IL17RD: variants seen among roughly 807,000 people sequenced by gnomAD.
The protein encoded by IL17RD is interleukin 17 receptor D.
A neutral mutation model predicts 80.5 loss-of-function variants in IL17RD; 52 were observed. That is an observed-to-expected ratio of 0.65 (90% CI 0.52 to 0.81). IL17RD has a LOEUF of 0.81. Ranked by LOEUF, IL17RD falls within the 40% of genes least tolerant of loss-of-function variation. IL17RD has a pLI of 0.00. For synonymous variants in IL17RD, 416 were observed against 391.8 expected (o/e 1.06, Z -0.73); for missense variants, 1,024 against 955.1 (o/e 1.07, Z -0.95).
At chr3:57,164,850 A>C (rs2060334951) in intron 1 of IL17RD, 5 of 1,113,914 alleles carry the variant, frequency 4.5e-6, no homozygotes, top group Non-Finnish European at 5.6e-6. Context: ...GCCAAGAACA[A>C]AGGGTGGGGC....
At chr3:57,166,958 G>A (rs2060351259), upstream of IL17RD, among the ~76,000 whole-genome samples, 1 of 152,224 alleles carries the variant, frequency 6.6e-6, no homozygotes, top group South Asian at 2.1e-4. Context: ...CGTCCTTGGA[G>A]GGCTTAAGTG....
rs1235963400 is a variant in IL17RD, at chr3:57,165,240, G to A, written c.47C>T (p.Ala16Val). 6.5e-7 allele frequency: 1 copy of A among 1,529,526 alleles called. No homozygotes were observed. Among genetic ancestry groups the A allele is most frequent in the Non-Finnish European group, 8.8e-7 (1 of 1,138,580 alleles). The allele number at this position is 1,529,526 out of a possible 1,614,324, so 94.7% of individuals were successfully genotyped here. A position where few individuals can be genotyped will look rare whatever the true frequency, so the allele number is the denominator to read the frequency against. Residue 16 changes from alanine (A) to valine (V), a missense_variant, in exon 1 of 13, where the codon GCC becomes GTC. Transcript: ENST00000296318. ...QLCSVFFTVN[A>V]CLNGSQLAVA... ...AGCCAGCTGCGAGCCGTTGAGGCAG[G>A]CGTTGACCGTAAAGAAGACGGAGCA...
chr3:57,160,850 C>T (rs939046188), intron 1 of IL17RD, among the ~76,000 whole-genome samples: 1 of 152,240 alleles, frequency 6.6e-6, no homozygotes, highest in African/African-American at 2.4e-5. Context: ...CACTCTCACT[C>T]TGATCCCATT....
intron 7 of IL17RD, 35 bp downstream of exon 7, chr3:57,105,822 A>G (rs1706948681): frequency 1.3e-6 from 2 of 1,596,104 alleles, no homozygotes; most frequent in Non-Finnish European, 1.7e-6. Context: ...GCTTTGAAAC[A>G]CGCAGTGTTC....
At position 57,108,121 on chromosome 3, in the gene IL17RD, A is replaced by G. The variant is rs912189405; in HGVS notation, c.550+1416T>C. On this transcript the variant is annotated intron_variant, in intron 5 of 12. Transcript: ENST00000296318. The stretch of plus-strand genomic sequence containing the variant: ...GTGGCCCAGGCTGGAGTGCAGCGGC[A>G]TGATCTCAGCTCACTGCAACCTCCG... Among the ~76,000 whole-genome samples the G allele has an allele frequency of 4.7e-5, 7 of 147,720 alleles. 1 individual carries two copies. The highest frequency in any genetic ancestry group is 4.1e-4 in the Admixed American group (6 of 14,754).
In IL17RD at chr3:57,091,336, CA is replaced by C. The variant is rs1247639054; in HGVS notation, c.*5056del. 1 of 152,544 alleles carries C rather than the reference CA, an allele frequency of 6.6e-6. No individual in the cohort carries two copies. The highest frequency in any genetic ancestry group is 1.5e-5 in the Non-Finnish European group (1 of 68,024). The allele number at this position is 152,544 out of a possible 1,614,324, so 9.4% of individuals were successfully genotyped here. A position where few individuals can be genotyped will look rare whatever the true frequency, so the allele number is the denominator to read the frequency against. ...ACAAGTTATGATAGATGACTATCATCAGGGGAAAAATGTGGCAGTCAAATAA... is the reference window on the plus strand; with the variant it reads ...ACAAGTTATGATAGATGACTATCATCGGGGAAAAATGTGGCAGTCAAATAA... On this transcript the variant is annotated 3_prime_UTR_variant, in exon 13 of 13. Coordinates refer to ENST00000296318, the MANE Select transcript of IL17RD (RefSeq NM_017563.5).
At chr3:57,168,120 C>T (rs1246341468), upstream of IL17RD, among the ~76,000 whole-genome samples, 1 of 152,198 alleles carries the variant, frequency 6.6e-6, no homozygotes, top group African/African-American at 2.4e-5. Flanking sequence ...ACGTGAGCCA[C>T]CACTCCTGGC....
At chr3:57,104,514 C>T in intron 7 of IL17RD, 107 bp from the exon 8 acceptor site, 1 of 701,716 alleles carries the variant, frequency 1.4e-6, no homozygotes. Flanking sequence ...GTCTCAACCA[C>T]AGTTTTCAGA....
chr3:57,165,716 T>C (rs554472367), upstream of IL17RD, among the ~76,000 whole-genome samples: 20 of 152,220 alleles, frequency 1.3e-4, no homozygotes, highest in Non-Finnish European at 2.6e-4. Flanking sequence ...CCTTTCTGTA[T>C]ACGCCCAACC....
At position 57,091,563 on chromosome 3, in the gene IL17RD, AATT is replaced by A. The variant is rs1337938675; in HGVS notation, c.*4827_*4829del. 6.6e-6 allele frequency: 1 copy of A among 152,610 alleles called. No individual in the cohort carries two copies. The highest frequency in any genetic ancestry group is 2.4e-5 in the African/African-American group (1 of 41,426). The allele number at this position is 152,610 out of a possible 1,614,324, so 9.5% of individuals were successfully genotyped here. On this transcript the variant is annotated 3_prime_UTR_variant, in exon 13 of 13. Transcript: ENST00000296318. ...AGCTGAGAAACATTACAGCAGTGAAAATTATTAGGCCCCTGGAAAACAAGAGCC... is the reference window on the plus strand; with the variant it reads ...AGCTGAGAAACATTACAGCAGTGAAAATTAGGCCCCTGGAAAACAAGAGCC...
At chr3:57,155,096 C>A (rs979063930) in intron 1 of IL17RD, among the ~76,000 whole-genome samples, 1 of 152,160 alleles carries the variant, frequency 6.6e-6, no homozygotes, top group African/African-American at 2.4e-5. Context: ...CAAAGAGCAC[C>A]TCTGATTATG....
rs867060427 is a variant in IL17RD, at chr3:57,092,229, C to G, written c.*4164G>C. Reference sequence around the variant, plus strand: ...CTTGGCCTATGCTCAGAATTGCACACCACCTGAAAAAAATTATGCCAAGAG... The same window carrying G: ...CTTGGCCTATGCTCAGAATTGCACAGCACCTGAAAAAAATTATGCCAAGAG... On this transcript the variant is annotated 3_prime_UTR_variant, in exon 13 of 13. Coordinates refer to ENST00000296318, the MANE Select transcript of IL17RD (RefSeq NM_017563.5). 1 of 152,596 alleles carries G rather than the reference C, an allele frequency of 6.6e-6. No individual in the cohort carries two copies. The highest frequency in any genetic ancestry group is 2.1e-4 in the South Asian group (1 of 4,830). The allele number at this position is 152,596 out of a possible 1,614,324, so 9.5% of individuals were successfully genotyped here. A position where few individuals can be genotyped will look rare whatever the true frequency, so the allele number is the denominator to read the frequency against.
At chr3:57,139,062 G>T (rs921006008) in intron 1 of IL17RD, among the ~76,000 whole-genome samples, 2 of 151,948 alleles carry the variant, frequency 1.3e-5, no homozygotes, top group African/African-American at 2.4e-5. Context: ...ATATATTTTG[G>T]GGGGAGGGGA....
At chr3:57,154,248 CA>C (rs1040316143) in intron 1 of IL17RD, among the ~76,000 whole-genome samples, 108 of 125,912 alleles carry the variant, frequency 8.6e-4, no homozygotes, top group African/African-American at 2.9e-3. Flanking sequence ...GACCTTGTCT[CA>C]AAAAAAAAAA....
In IL17RD at chr3:57,165,339, T is replaced by C; in HGVS notation, c.-53A>G. On this transcript the variant is annotated 5_prime_UTR_variant, in exon 1 of 13. Transcript: ENST00000296318. Reference sequence around the variant, plus strand: ...TCTCTGCGCCCCGGCCGCCCGCCGCTGGCCAGCCCCGAGTGGGCGGTGGCC... The same window carrying C: ...TCTCTGCGCCCCGGCCGCCCGCCGCCGGCCAGCCCCGAGTGGGCGGTGGCC... The C allele has an allele frequency of 8.2e-7, 1 of 1,225,532 alleles. No individual in the cohort carries two copies. The highest frequency in any genetic ancestry group is 1.0e-6 in the Non-Finnish European group (1 of 979,762). The allele number at this position is 1,225,532 out of a possible 1,614,324, so 75.9% of individuals were successfully genotyped here.
chr3:57,120,383 G>T, intron 1 of IL17RD, 70 bp from the exon 2 acceptor site: 1 of 1,110,340 alleles, frequency 9.0e-7, no homozygotes, highest in Non-Finnish European at 1.4e-6. Flanking sequence ...GCCCCATGGA[G>T]TCCAAATGCA....
chr3:57,108,133 C>T (rs1024631050), intron 5 of IL17RD, among the ~76,000 whole-genome samples: 1 of 151,470 alleles, frequency 6.6e-6, no homozygotes, highest in South Asian at 2.1e-4. Context: ...GATCTCAGCT[C>T]ACTGCAACCT....
chr3:57,146,984 G>A (rs1242083357), intron 1 of IL17RD, among the ~76,000 whole-genome samples: 3 of 138,606 alleles, frequency 2.2e-5, no homozygotes, highest in African/African-American at 5.7e-5. Context: ...AACCATGCCC[G>A]GCTAATTTTT....
intron 1 of IL17RD, chr3:57,150,302 C>A (rs144681557): frequency 6.6e-6 from 1 of 152,256 alleles, no homozygotes; most frequent in Non-Finnish European, 1.5e-5. Context: ...TTCCACCCCC[C>A]ATTAGTTGCT....
Sources: gnomAD v4.1 joint callset for allele counts (sites outside exome capture counted in the v4.1 genomes callset) on GRCh38, gnomAD v4.1.1 for gene constraint, MANE v1.5 for transcripts, NCBI Gene and HGNC (gene_info 2026-07-23, HGNC 2026-07-21) for gene names.